The following ASTN2 variants were observed in gnomAD, a reference collection of about 807,000 sequenced individuals.
ASTN2 encodes the protein astrotactin-2.
Under a neutral mutation model 139.8 loss-of-function variants are expected in ASTN2, and 54 were observed. That is an observed-to-expected ratio of 0.39 (90% CI 0.31 to 0.48). The LOEUF is 0.48. ASTN2 is among the 20% of genes least tolerant of loss of function. The pLI, the probability that ASTN2 is intolerant of heterozygous loss-of-function variation, is 0.95. For missense variants in ASTN2, 1,565 were observed against 1,725.1 expected, an observed-to-expected ratio of 0.91 and a Z score of 1.64; for synonymous variants, 756 against 719.5, an observed-to-expected ratio of 1.05 and a Z score of -0.81.
chr9:117,111,256 C>CT (rs1370540058), intron 4 of ASTN2, among the ~76,000 whole-genome samples: 3 of 152,184 alleles, frequency 2.0e-5, no homozygotes, highest in African/African-American at 7.2e-5. Context: ...AAGGCCAACT[C>CT]TAAGATGACC....
intron 1 of ASTN2, among the ~76,000 whole-genome samples, chr9:117,307,304 G>A (rs1262990523): frequency 6.6e-6 from 1 of 152,192 alleles, no homozygotes; most frequent in Non-Finnish European, 1.5e-5. Context: ...ACAGACTGAT[G>A]TGTTCATGTA....
chr9:116,579,768 AG>A (rs1853873819), intron 19 of ASTN2, among the ~76,000 whole-genome samples: 1 of 152,220 alleles, frequency 6.6e-6, no homozygotes, highest in Non-Finnish European at 1.5e-5. Context: ...GCTGTGCCAT[AG>A]GTGTGGGACT....
chr9:117,209,301 T>C (rs1832042927), intron 3 of ASTN2, among the ~76,000 whole-genome samples: 1 of 152,014 alleles, frequency 6.6e-6, no homozygotes. Context: ...ATACTGCCTA[T>C]TAGGAAATTC....
At position 117,036,661 on chromosome 9, in the gene ASTN2, G is replaced by T. The variant is rs1438731536; in HGVS notation, c.1423+3158C>A. Among the ~76,000 whole-genome samples the T allele has an allele frequency of 2.6e-5, 4 of 152,152 alleles. No homozygotes were observed. In the East Asian group the frequency reaches 7.7e-4, roughly 29 times the overall value. ...TTCTGAAACCCCAGAGCCTGCTAAA[G>T]TTATTCAAATTGGCCAATCTCAAAT... On this transcript the variant is annotated intron_variant, in intron 6 of 22. Transcript: ENST00000313400.
intron 10 of ASTN2, among the ~76,000 whole-genome samples, chr9:116,957,289 CT>C (rs1306998724): frequency 6.6e-6 from 1 of 151,770 alleles, no homozygotes; most frequent in Non-Finnish European, 1.5e-5. Flanking sequence ...ACACTTTTTT[CT>C]TTTTTTGAAC....
chr9:116,889,235 G>A (rs2132385236), intron 10 of ASTN2, among the ~76,000 whole-genome samples: 1 of 152,172 alleles, frequency 6.6e-6, no homozygotes, highest in African/African-American at 2.4e-5. Flanking sequence ...AAAAGAAGAG[G>A]AAAAAAGAAG....
At chr9:117,337,236 A>G (rs1828915884) in intron 1 of ASTN2, among the ~76,000 whole-genome samples, 1 of 152,160 alleles carries the variant, frequency 6.6e-6, no homozygotes, top group Non-Finnish European at 1.5e-5. Context: ...ACAGAGGCCA[A>G]TGGAGAAAAA....
intron 20 of ASTN2, among the ~76,000 whole-genome samples, chr9:116,458,783 A>T (rs1265376305): frequency 1.3e-5 from 2 of 152,038 alleles, no homozygotes; most frequent in Non-Finnish European, 2.9e-5. Context: ...ATGTGAAGAC[A>T]TCCTGTATTC....
At chr9:116,615,121 A>T (rs543892072) in intron 19 of ASTN2, among the ~76,000 whole-genome samples, 1 of 152,344 alleles carries the variant, frequency 6.6e-6, no homozygotes, top group African/African-American at 2.4e-5. Flanking sequence ...GACACATGAA[A>T]AAATGCTCAT....
intron 1 of ASTN2, among the ~76,000 whole-genome samples, chr9:117,392,457 T>A (rs558154138): frequency 2.0e-5 from 3 of 152,202 alleles, no homozygotes; most frequent in Non-Finnish European, 4.4e-5. Flanking sequence ...CTTTTCTCTT[T>A]CTTCTTTGTT....
intron 2 of ASTN2, among the ~76,000 whole-genome samples, chr9:117,271,887 T>C (rs569241597): frequency 6.6e-6 from 1 of 152,344 alleles, no homozygotes; most frequent in East Asian, 1.9e-4. Context: ...TTTAATGGGC[T>C]GCCATTGAGT....
intron 19 of ASTN2, among the ~76,000 whole-genome samples, chr9:116,563,711 G>T (rs1348065269): frequency 6.6e-6 from 1 of 152,028 alleles, no homozygotes; most frequent in Non-Finnish European, 1.5e-5. Flanking sequence ...ATCAACATCT[G>T]ATAAAATATT....
At chr9:116,751,509 C>T (rs1829402052) in intron 13 of ASTN2, among the ~76,000 whole-genome samples, 1 of 151,970 alleles carries the variant, frequency 6.6e-6, no homozygotes, top group South Asian at 2.1e-4. Context: ...GCACCTGACA[C>T]ATTATACTGT....
chr9:117,110,075 A>G (rs559352967), intron 4 of ASTN2, among the ~76,000 whole-genome samples: 25 of 152,310 alleles, frequency 1.6e-4, no homozygotes, highest in African/African-American at 5.8e-4. Context: ...AATGTTATGT[A>G]TATATATGTT....
At chr9:117,074,676 C>G (rs1230601319) in intron 5 of ASTN2, among the ~76,000 whole-genome samples, 2 of 152,176 alleles carry the variant, frequency 1.3e-5, no homozygotes, top group African/African-American at 2.4e-5. Context: ...ACAGTAGCAG[C>G]TGCTTTGATG....
chr9:117,415,045 G>T lies in ASTN2; in HGVS notation c.-107C>A, dbSNP rs999941384. The T allele has an allele frequency of 5.7e-6, 1 of 174,744 alleles. No individual in the cohort carries two copies. The highest frequency in any genetic ancestry group is 1.2e-5 in the Non-Finnish European group (1 of 83,908). 10.8% of individuals were successfully genotyped at this position (174,744 alleles called of 1,614,324 possible). ...GGCGGACGCCGAAGCGAACCAGGAC[G>T]CCCGAGCTAAGGAGCGGAGAGAGCC... On this transcript the variant is annotated 5_prime_UTR_variant, in exon 1 of 23. Coordinates refer to ENST00000313400, the MANE Select transcript of ASTN2 (RefSeq NM_001365068.1).
At chr9:117,263,998 C>A (rs1219697299) in intron 2 of ASTN2, among the ~76,000 whole-genome samples, 1 of 152,032 alleles carries the variant, frequency 6.6e-6, no homozygotes, top group Non-Finnish European at 1.5e-5. Context: ...GAAATCCCAT[C>A]TCTACCAAAG....
intron 19 of ASTN2, among the ~76,000 whole-genome samples, chr9:116,608,584 T>C (rs1465573160): frequency 1.3e-5 from 2 of 152,034 alleles, no homozygotes; most frequent in Non-Finnish European, 2.9e-5. Context: ...ACAAAAGAGT[T>C]TGAACAAAAT....
intron 1 of ASTN2, among the ~76,000 whole-genome samples, chr9:117,365,337 G>GAA (rs1294245000): frequency 2.0e-5 from 3 of 147,686 alleles, no homozygotes; most frequent in African/African-American, 8.0e-5. Context: ...AAGAAAGAAA[G>GAA]AGAGAAAAGA....
Sources: allele counts gnomAD v4.1 joint callset (sites outside exome capture counted in the v4.1 genomes callset), GRCh38; gene constraint gnomAD v4.1.1; transcripts MANE v1.5; gene names NCBI Gene and HGNC (gene_info 2026-07-23, HGNC 2026-07-21).